Variants in THOC5 observed in about 807,000 individuals in gnomAD.
THOC5 encodes Fms-interacting protein.
THOC5 carries 43 observed loss-of-function variants against 92.9 expected under a neutral mutation model. That is an observed-to-expected ratio of 0.46 (90% CI 0.36 to 0.60). The LOEUF (loss-of-function observed/expected upper bound fraction) is 0.60, where lower values mean the gene tolerates loss of function less well. Ranked by LOEUF, THOC5 falls within the 20% of genes least tolerant of loss-of-function variation. The pLI is 0.00. For synonymous variants in THOC5, 296 were observed against 320.1 expected (o/e 0.92, Z 0.80); for missense variants, 659 against 849.4 (o/e 0.78, Z 2.79).
At chr22:29,535,235 C>A (rs1007658836) in intron 7 of THOC5, 1 of 145,258 alleles carries the variant, frequency 6.9e-6, no homozygotes, top group African/African-American at 2.6e-5. Flanking sequence ...TCCACTCCAG[C>A]CTGTGCGACA....
intron 1 of THOC5, among the ~76,000 whole-genome samples, chr22:29,550,059 A>G (rs1451965015): frequency 6.6e-6 from 1 of 152,078 alleles, no homozygotes; most frequent in Non-Finnish European, 1.5e-5. Context: ...ATAAATTAGT[A>G]TCCAAACTCC....
Position 29,531,901 on chromosome 22 carries a change from C to T in THOC5, c.777G>A (p.Glu259=). 6.2e-7 allele frequency: 1 copy of T among 1,614,196 alleles called. No individual in the cohort carries two copies. The highest frequency in any genetic ancestry group is 8.5e-7 in the Non-Finnish European group (1 of 1,180,032). ...MPFDQAHKQY[E]TARHLPPPLY... is the part of the protein sequence containing the mutation. ...GGGGAGGCGGCAGGTGTCTGGCTGT[C>T]TCATACTGCTTGTGAGCCTGGTCGA... The change falls in exon 8 of 20, where the codon GAG becomes GAA. Residue 259 remains glutamate (E), a synonymous_variant. Coordinates refer to ENST00000490103, the MANE Select transcript of THOC5 (RefSeq NM_003678.5).
At chr22:29,522,347 G>A (rs1033553228) in intron 12 of THOC5, among the ~76,000 whole-genome samples, 8 of 151,368 alleles carry the variant, frequency 5.3e-5, no homozygotes, top group South Asian at 2.1e-4. Flanking sequence ...GTGACAGAGC[G>A]AGACTCTGTC....
chr22:29,525,713 C>T (rs1703595993), intron 12 of THOC5, 125 bp downstream of exon 12: 1 of 645,584 alleles, frequency 1.5e-6, no homozygotes, highest in African/African-American at 1.8e-5. Context: ...CATCTGGATA[C>T]AAGACAAGTC....
chr22:29,528,088 C>T lies in THOC5; in HGVS notation c.1056G>A (p.Leu352=), dbSNP rs1304817923. 2 of 1,614,070 alleles carry T rather than the reference C, an allele frequency of 1.2e-6. No individual in the cohort carries two copies. The highest frequency in any genetic ancestry group is 2.7e-5 in the African/African-American group (2 of 74,926). The part of the protein sequence containing the change: ...KRHPLSVMLD[L]KCKDDSVLHL... ...TGAGTGCAACCAGACCTTTGCACTT[C>T]AGGTCGAGCATGACAGACAGTGGGT... Residue 352 remains leucine (L), a synonymous_variant, in exon 11 of 20, where the codon CTG becomes CTA. Transcript: ENST00000490103.
intron 10 of THOC5, 56 bp downstream of exon 10, chr22:29,528,370 G>A: frequency 1.9e-6 from 3 of 1,614,040 alleles, no homozygotes; most frequent in Middle Eastern, 3.3e-4. Flanking sequence ...CTGCGAACAA[G>A]CATGCCCCAG....
At chr22:29,534,894 G>A (rs1189974445) in intron 7 of THOC5, 3 of 147,804 alleles carry the variant, frequency 2.0e-5, no homozygotes, top group Non-Finnish European at 4.4e-5. Context: ...AGGAGGCAGA[G>A]CTTGCAGTGA....
rs1371584130 is a variant in THOC5 at position 29,552,423 on chromosome 22, T to TA, written c.-12+1247_-12+1248insT. Among the ~76,000 whole-genome samples the TA allele has an allele frequency of 5.3e-5, 8 of 151,096 alleles. No homozygotes were observed. In the East Asian group the frequency reaches 1.6e-3, roughly 30 times the overall value. ...CCCCGTCTGGGATGTGAGGAGCACC[T>TA]CTGCCCGGCTGCGACCCCGTCTGGG... On this transcript the variant is annotated intron_variant, in intron 1 of 19. Coordinates refer to ENST00000490103, the MANE Select transcript of THOC5 (RefSeq NM_003678.5).
At chr22:29,544,030 C>T (rs2063960272) in intron 3 of THOC5, among the ~76,000 whole-genome samples, 2 of 135,430 alleles carry the variant, frequency 1.5e-5, no homozygotes, top group South Asian at 2.4e-4. Context: ...ACTTATCTAT[C>T]GAGTTTTTAG....
chr22:29,515,588 A>G (rs1272485972), intron 17 of THOC5, among the ~76,000 whole-genome samples: 1 of 150,242 alleles, frequency 6.7e-6, no homozygotes, highest in African/African-American at 2.5e-5. Flanking sequence ...GCACTTTGGG[A>G]GGCCGAGTTG....
chr22:29,511,490 T>C (rs1361280524), intron 18 of THOC5, 194 bp from the exon 19 acceptor site: 4 of 576,842 alleles, frequency 6.9e-6, no homozygotes, highest in Non-Finnish European at 1.2e-5. Context: ...TCTTCCTGAT[T>C]CTGACCCATA....
At chr22:29,519,918 G>C (rs1415850811) in intron 14 of THOC5, 90 bp downstream of exon 14, 7 of 1,036,938 alleles carry the variant, frequency 6.8e-6, no homozygotes, top group African/African-American at 3.2e-5. Context: ...ATAGGCATGA[G>C]CCACCGCACC....
At chr22:29,522,088 C>T (rs190159993) in intron 12 of THOC5, among the ~76,000 whole-genome samples, 5 of 152,054 alleles carry the variant, frequency 3.3e-5, no homozygotes, top group Admixed American at 2.6e-4. Flanking sequence ...CAGTGGCTCA[C>T]GCCTGTAATC....
Position 29,539,320 on chromosome 22 carries a change from G to T in THOC5, c.599+10C>A. On this transcript the variant is annotated intron_variant, in intron 6 of 19. Transcript: ENST00000490103. ...TTGTGGTTAAAAGGTCAGGAAGGAG[G>T]AAATGCTACCTTTTCCGCTGCTCCA... 1 of 1,612,830 alleles carries T rather than the reference G, an allele frequency of 6.2e-7. No homozygotes were observed. Among genetic ancestry groups the T allele is most frequent in the Non-Finnish European group, 8.5e-7 (1 of 1,179,236 alleles).
intron 2 of THOC5, chr22:29,545,097 G>A (rs1029597675): frequency 1.9e-5 from 8 of 430,980 alleles, no homozygotes; most frequent in African/African-American, 8.3e-5. Flanking sequence ...GAATCATGGC[G>A]AGAGGTGAAA....
chr22:29,513,105 C>T (rs2063256599), intron 17 of THOC5, among the ~76,000 whole-genome samples: 1 of 152,156 alleles, frequency 6.6e-6, no homozygotes, highest in South Asian at 2.1e-4. Context: ...AATCCCAGCA[C>T]TTTGGGAGGC....
intron 2 of THOC5, among the ~76,000 whole-genome samples, chr22:29,546,434 A>G (rs56093943): frequency 6.6e-6 from 1 of 150,998 alleles, no homozygotes; most frequent in African/African-American, 2.4e-5. Flanking sequence ...TTTATTTTTT[A>G]TTTTTATTTT....
intron 11 of THOC5, 79 bp from the exon 12 acceptor site, chr22:29,526,025 G>T: frequency 1.9e-6 from 1 of 518,930 alleles, no homozygotes; most frequent in Non-Finnish European, 3.6e-6. Flanking sequence ...GGGTAGTAAG[G>T]TGGGGGGGTC....
intron 1 of THOC5, among the ~76,000 whole-genome samples, chr22:29,552,507 A>T (rs1171851851): frequency 6.7e-6 from 1 of 148,910 alleles, no homozygotes; most frequent in Non-Finnish European, 1.5e-5. Flanking sequence ...CCCTCCACCC[A>T]GCAGCCGCCC....
Sources: allele counts gnomAD v4.1 joint callset (sites outside exome capture counted in the v4.1 genomes callset), GRCh38; gene constraint gnomAD v4.1.1; transcripts MANE v1.5; gene names NCBI Gene and HGNC (gene_info 2026-07-23, HGNC 2026-07-21).